The following TRAM2 variants were observed in gnomAD, a reference collection of about 807,000 sequenced individuals.
TRAM2 encodes translocation associated membrane protein 2.
A neutral mutation model predicts 51.0 loss-of-function variants in TRAM2; 12 were observed. The ratio of observed to expected loss-of-function variants is 0.24; its 90% CI spans 0.15 to 0.38. The LOEUF (loss-of-function observed/expected upper bound fraction) is 0.38, where lower values mean the gene tolerates loss of function less well. Ranked by LOEUF, TRAM2 falls within the 10% of genes least tolerant of loss-of-function variation. The pLI, the probability that TRAM2 is intolerant of heterozygous loss-of-function variation, is 1.00. For synonymous variants in TRAM2, 175 were observed against 179.4 expected, an observed-to-expected ratio of 0.98 and a Z score of 0.20; for missense variants, 361 against 462.0, an observed-to-expected ratio of 0.78 and a Z score of 2.00.
At chr6:52,541,859 G>T (rs1287057935) in intron 1 of TRAM2, among the ~76,000 whole-genome samples, 6 of 147,622 alleles carry the variant, frequency 4.1e-5, no homozygotes, top group Admixed American at 1.4e-4. Context: ...GGGGCTGTGT[G>T]GGCAGACCAG....
At chr6:52,514,565 G>A (rs1334578620) in intron 4 of TRAM2, among the ~76,000 whole-genome samples, 2 of 152,240 alleles carry the variant, frequency 1.3e-5, no homozygotes, top group African/African-American at 4.8e-5. Context: ...AGAACTGAGA[G>A]AGGCAAAGAC....
At chr6:52,516,827 G>T in intron 2 of TRAM2, 90 bp from the exon 3 acceptor site, 1 of 954,580 alleles carries the variant, frequency 1.0e-6, no homozygotes, top group Non-Finnish European at 1.7e-6. Context: ...GGCGAAATGC[G>T]CCATCAAATG....
intron 1 of TRAM2, among the ~76,000 whole-genome samples, chr6:52,550,872 T>C (rs1767296975): frequency 6.6e-6 from 1 of 152,138 alleles, no homozygotes; most frequent in African/African-American, 2.4e-5. Context: ...CCCAACCGAA[T>C]AGGACACTTT....
intron 7 of TRAM2, among the ~76,000 whole-genome samples, chr6:52,507,188 G>A (rs1239689596): frequency 2.0e-5 from 3 of 152,224 alleles, no homozygotes; most frequent in Non-Finnish European, 4.4e-5. Context: ...TGTGAGGTAA[G>A]AGCCCAGCTT....
intron 8 of TRAM2, 33 bp from the exon 9 acceptor site, chr6:52,505,775 T>C: frequency 4.5e-6 from 7 of 1,572,926 alleles, no homozygotes; most frequent in African/African-American, 1.4e-5. Context: ...GATGTCAGTC[T>C]TTAGCGCCCT....
intron 1 of TRAM2, among the ~76,000 whole-genome samples, chr6:52,547,689 C>T (rs1363924118): frequency 6.6e-6 from 1 of 152,240 alleles, no homozygotes; most frequent in Non-Finnish European, 1.5e-5. Flanking sequence ...GATGGATTTA[C>T]AAGGGATGAC....
At chr6:52,512,406 G>T (rs1390711168) in intron 4 of TRAM2, among the ~76,000 whole-genome samples, 2 of 152,154 alleles carry the variant, frequency 1.3e-5, no homozygotes, top group African/African-American at 4.8e-5. Context: ...GAGGAGAGCA[G>T]GGGGAGCCAG....
At chr6:52,570,514 C>A (rs149779762) in intron 1 of TRAM2, among the ~76,000 whole-genome samples, 8 of 152,170 alleles carry the variant, frequency 5.3e-5, no homozygotes, top group African/African-American at 1.7e-4. Context: ...ATTTTGGCTC[C>A]GACTCTAACT....
In TRAM2 at chr6:52,516,721, G is replaced by T. The variant is rs1361062693; in HGVS notation, c.201C>A (p.His67Gln). The T allele has an allele frequency of 1.9e-6, 3 of 1,613,906 alleles. No individual in the cohort carries two copies. The highest frequency in any genetic ancestry group is 2.5e-6 in the Non-Finnish European group (3 of 1,179,756). Residue 67 changes from histidine (H) to glutamine (Q), a missense_variant, in exon 3 of 11, where the codon CAC becomes CAA. Physicochemically the swap from His to Gln is conservative, Grantham distance 24. Coordinates refer to ENST00000182527, the MANE Select transcript of TRAM2 (RefSeq NM_012288.4). ...CCAGGTCCTTAGGGCCATAGTGGTA[G>T]TGCACGGTCTCACTGTCTGTGGAGG... ...SVPTADSETV[H>Q]YHYGPKDLVT...
chr6:52,542,264 T>G (rs1258174147), intron 1 of TRAM2, among the ~76,000 whole-genome samples: 1 of 145,004 alleles, frequency 6.9e-6, no homozygotes, highest in Non-Finnish European at 1.5e-5. Context: ...ATTTTTGGGT[T>G]TTTTTTTTTT....
chr6:52,571,067 T>G (rs533982152), intron 1 of TRAM2, among the ~76,000 whole-genome samples: 7 of 151,442 alleles, frequency 4.6e-5, no homozygotes, highest in South Asian at 4.2e-4. Flanking sequence ...ACTTTTACTG[T>G]TTCCCCCCCA....
Position 52,502,968 on chromosome 6 carries a change from A to AG in TRAM2, c.*228dup. On this transcript the variant is annotated 3_prime_UTR_variant, in exon 11 of 11. Coordinates refer to ENST00000182527, the MANE Select transcript of TRAM2 (RefSeq NM_012288.4). ...AGGAGTGAGGACAGGAGGTGGCCTG[A>AG]GGGGGAGAAAGAGAAAGATTTTTGG... The AG allele has an allele frequency of 1.7e-6, 1 of 589,238 alleles. No individual in the cohort carries two copies. The highest frequency in any genetic ancestry group is 2.0e-5 in the South Asian group (1 of 49,368). 36.5% of individuals were successfully genotyped at this position (589,238 alleles called of 1,614,324 possible).
chr6:52,509,496 C>T (rs781484678), intron 5 of TRAM2, 32 bp downstream of exon 5: 6 of 1,610,564 alleles, frequency 3.7e-6, no homozygotes, highest in South Asian at 1.1e-5. Context: ...CCCGGTCGCT[C>T]CTCCCTGGGG....
chr6:52,533,691 GCCA>G (rs1766930776), intron 2 of TRAM2, among the ~76,000 whole-genome samples: 1 of 152,216 alleles, frequency 6.6e-6, no homozygotes, highest in Non-Finnish European at 1.5e-5. Context: ...TCCTCCATGA[GCCA>G]CAGGTTCAGG....
chr6:52,541,944 G>A (rs866357204), intron 1 of TRAM2, among the ~76,000 whole-genome samples: 2 of 151,836 alleles, frequency 1.3e-5, no homozygotes, highest in East Asian at 1.9e-4. Context: ...TCTGTCCCAC[G>A]GACACCACAC....
chr6:52,506,849 T>C (rs1766359121), intron 7 of TRAM2, among the ~76,000 whole-genome samples: 1 of 152,194 alleles, frequency 6.6e-6, no homozygotes, highest in African/African-American at 2.4e-5. Flanking sequence ...ACAGGATGCC[T>C]GCTGCAAGGA....
chr6:52,538,025 A>G (rs2268730), intron 1 of TRAM2, among the ~76,000 whole-genome samples: 103,653 of 151,878 alleles, frequency 0.68, 36,233 homozygotes, highest in East Asian at 0.89. Context: ...TCTGAACTCC[A>G]CTCATATAGG....
intron 7 of TRAM2, among the ~76,000 whole-genome samples, chr6:52,507,094 G>A (rs1375475186): frequency 1.3e-5 from 2 of 152,180 alleles, no homozygotes; most frequent in African/African-American, 2.4e-5. Flanking sequence ...GAACAACCAA[G>A]AGAGACCTAC....
At chr6:52,554,766 C>CTTTTT (rs549322729) in intron 1 of TRAM2, among the ~76,000 whole-genome samples, 3 of 133,384 alleles carry the variant, frequency 2.2e-5, no homozygotes, top group African/African-American at 8.5e-5. Flanking sequence ...AGAGTCAATC[C>CTTTTT]TTTTTTTTTT....
Sources: gnomAD v4.1 joint callset for allele counts (sites outside exome capture counted in the v4.1 genomes callset) on GRCh38, gnomAD v4.1.1 for gene constraint, MANE v1.5 for transcripts, NCBI Gene and HGNC (gene_info 2026-07-23, HGNC 2026-07-21) for gene names.